The following ZNF610 variants were observed in gnomAD, a reference collection of about 807,000 sequenced individuals.
The protein encoded by ZNF610 is zink finger protein.
A neutral mutation model predicts 14.1 loss-of-function variants in ZNF610; 14 were observed. That is an observed-to-expected ratio of 0.99 (90% CI 0.65 to 1.55). ZNF610 has a LOEUF of 1.55. Ranked by LOEUF, ZNF610 falls within the 40% of genes most tolerant of loss-of-function variation. The pLI, the probability that ZNF610 is intolerant of heterozygous loss-of-function variation, is 0.00. For missense variants in ZNF610, 530 were observed against 558.0 expected, an observed-to-expected ratio of 0.95 and a Z score of 0.51; for synonymous variants, 185 against 187.6, an observed-to-expected ratio of 0.99 and a Z score of 0.11.
Position 52,338,259 on chromosome 19 carries a change from A to G in ZNF610, c.-258+1753A>G, listed in dbSNP as rs141701447. Among the ~76,000 whole-genome samples, 176 of 152,304 alleles carry G rather than the reference A, an allele frequency of 1.2e-3. 4 individuals are homozygous for G. In the East Asian group the frequency reaches 0.026, roughly 23 times the overall value. On this transcript the variant is annotated intron_variant, in intron 1 of 5. Coordinates refer to ENST00000403906, the MANE Select transcript of ZNF610 (RefSeq NM_001161425.2). ...CATGACCCTTTCCTCACATTTTGTG[A>G]ATTTGCTAGAGTGGTTCACAGAACT... is the stretch of plus-strand genomic sequence containing the variant.
intron 4 of ZNF610, 118 bp from the exon 5 acceptor site, chr19:52,354,133 G>T: frequency 1.4e-6 from 2 of 1,399,240 alleles, no homozygotes; most frequent in Non-Finnish European, 2.0e-6. Flanking sequence ...CCAGTCTGTG[G>T]GTGAACTTGT....
At chr19:52,337,897 C>T (rs574655506) in intron 1 of ZNF610, among the ~76,000 whole-genome samples, 1 of 152,254 alleles carries the variant, frequency 6.6e-6, no homozygotes, top group African/African-American at 2.4e-5. Flanking sequence ...TTGCCTCATT[C>T]GGGTGTGGGT....
chr19:52,337,051 T>C lies in ZNF610; in HGVS notation c.-258+545T>C, dbSNP rs1371123814. ...GTAGCTGAGAGATTTACAGAGACAG[T>C]GAATGAAGCCGAGAATGTAGCAGGG... On this transcript the variant is annotated intron_variant, in intron 1 of 5. Transcript: ENST00000403906. Among the ~76,000 whole-genome samples the C allele has an allele frequency of 3.3e-5, 5 of 151,910 alleles. No homozygotes were observed. The East Asian group carries it at 9.6e-4, about 29-fold the overall frequency.
At chr19:52,341,469 G>A (rs1014908611) in intron 1 of ZNF610, among the ~76,000 whole-genome samples, 11 of 151,460 alleles carry the variant, frequency 7.3e-5, no homozygotes, top group Non-Finnish European at 1.3e-4. Flanking sequence ...GCCACCATGC[G>A]TGGCTAATTT....
chr19:52,335,666 T>C (rs1984341950), upstream of ZNF610, among the ~76,000 whole-genome samples: 1 of 152,010 alleles, frequency 6.6e-6, no homozygotes, highest in African/African-American at 2.4e-5. Context: ...CCTACATCTT[T>C]CTCCCGTGCT....
intron 1 of ZNF610, among the ~76,000 whole-genome samples, chr19:52,337,889 G>C (rs1984458633): frequency 6.6e-6 from 1 of 152,190 alleles, no homozygotes; most frequent in African/African-American, 2.4e-5. Flanking sequence ...GCAGTGACTT[G>C]CCTCATTCGG....
intron 1 of ZNF610, among the ~76,000 whole-genome samples, chr19:52,344,336 G>A (rs1209885907): frequency 3.3e-5 from 5 of 151,650 alleles, no homozygotes; most frequent in Non-Finnish European, 5.9e-5. Flanking sequence ...CATAGCCCCC[G>A]ATTTAACACT....
At chr19:52,358,735 C>T (rs909074887) in intron 5 of ZNF610, among the ~76,000 whole-genome samples, 2 of 152,142 alleles carry the variant, frequency 1.3e-5, no homozygotes, top group African/African-American at 2.4e-5. Context: ...TTGAATCCAA[C>T]GTTATGAAGC....
At chr19:52,338,451 A>G (rs1984484529) in intron 1 of ZNF610, among the ~76,000 whole-genome samples, 1 of 152,172 alleles carries the variant, frequency 6.6e-6, no homozygotes, top group African/African-American at 2.4e-5. Flanking sequence ...TGGGAAGCCA[A>G]GGTGGGCAGA....
At chr19:52,352,080 T>A (rs1255964936) in intron 3 of ZNF610, among the ~76,000 whole-genome samples, 1 of 152,236 alleles carries the variant, frequency 6.6e-6, no homozygotes, top group Non-Finnish European at 1.5e-5. Flanking sequence ...TGTGTCTTGC[T>A]GACATTACTC....
chr19:52,354,362 T>C lies in ZNF610; in HGVS notation c.302T>C (p.Val101Ala). 1.2e-6 allele frequency: 2 copies of C among 1,614,076 alleles called. No homozygotes were observed. Among genetic ancestry groups the C allele is most frequent in the Non-Finnish European group, 1.7e-6 (2 of 1,180,008 alleles). ...AAAAATACAGATGGAAGGGAATGTG[T>C]CAGAAGCGTGAACACAGGTAAGAGC... ...IVKNTDGRECVRSVNTGRSCV... is the reference protein window; with the variant it reads ...IVKNTDGRECARSVNTGRSCV... Residue 101 changes from valine (V) to alanine (A), a missense_variant, in exon 5 of 6, where the codon GTC becomes GCC. Transcript: ENST00000403906.
intron 1 of ZNF610, among the ~76,000 whole-genome samples, chr19:52,340,460 T>C (rs1363151541): frequency 1.3e-5 from 2 of 152,040 alleles, no homozygotes; most frequent in Non-Finnish European, 2.9e-5. Context: ...AAAACAGTTA[T>C]CTTTTTTCCT....
rs1381762179 is a variant in ZNF610, at chr19:52,351,380, C to T, written c.63+2145C>T. Among the ~76,000 whole-genome samples, 7 of 151,872 alleles carry T rather than the reference C, an allele frequency of 4.6e-5. No individual in the cohort carries two copies. In the East Asian group the frequency reaches 5.8e-4, roughly 13 times the overall value. ...CTTAGGCGGGAGAATCACTTGAACC[C>T]GGGAGATGGAGTTTGCAGTGAGCCA... On this transcript the variant is annotated intron_variant, in intron 3 of 5. Coordinates refer to ENST00000403906, the MANE Select transcript of ZNF610 (RefSeq NM_001161425.2).
In ZNF610 at chr19:52,363,127, CT is replaced by C. The variant is rs1280670705; in HGVS notation, c.320-2555del. Among the ~76,000 whole-genome samples, 869 of 141,766 alleles carry C rather than the reference CT, an allele frequency of 6.1e-3. 3 individuals carry two copies. Among genetic ancestry groups the C allele is most frequent in the Middle Eastern group, 0.022 (6 of 276 alleles). 93.0% of individuals were successfully genotyped at this position (141,766 alleles called of 152,430 possible). On this transcript the variant is annotated intron_variant, in intron 5 of 5. Coordinates refer to ENST00000403906, the MANE Select transcript of ZNF610 (RefSeq NM_001161425.2). The stretch of plus-strand genomic sequence containing the variant: ...ACCCCCTTCTCTTTGGTTCTATCCC[CT>C]TTTTTTTTTTTTTTTGAGACATAGT...
At chr19:52,356,226 G>C (rs1272453797) in intron 5 of ZNF610, among the ~76,000 whole-genome samples, 1 of 152,170 alleles carries the variant, frequency 6.6e-6, no homozygotes, top group Non-Finnish European at 1.5e-5. Context: ...CACTTTACTG[G>C]TGTGTGTCAC....
chr19:52,360,968 G>A (rs1057236434), intron 5 of ZNF610, among the ~76,000 whole-genome samples: 1 of 152,162 alleles, frequency 6.6e-6, no homozygotes, highest in African/African-American at 2.4e-5. Context: ...AAGAGTGTTG[G>A]TGTTAAATCC....
chr19:52,361,469 GC>G, intron 5 of ZNF610, among the ~76,000 whole-genome samples: 1 of 151,960 alleles, frequency 6.6e-6, no homozygotes. Context: ...GAGCCACTGC[GC>G]CCGGCCACAA....
At chr19:52,362,248 T>C (rs1375590507) in intron 5 of ZNF610, among the ~76,000 whole-genome samples, 2 of 152,178 alleles carry the variant, frequency 1.3e-5, no homozygotes, top group African/African-American at 4.8e-5. Flanking sequence ...CCGTCTCTAC[T>C]AAAAATACGA....
upstream of ZNF610, among the ~76,000 whole-genome samples, chr19:52,335,971 T>A (rs933122587): frequency 6.6e-6 from 1 of 151,626 alleles, no homozygotes; most frequent in Non-Finnish European, 1.5e-5. Flanking sequence ...GCTGAAGCGA[T>A]CCTCCAGCCT....
Sources: allele counts gnomAD v4.1 joint callset (sites outside exome capture counted in the v4.1 genomes callset), GRCh38; gene constraint gnomAD v4.1.1; transcripts MANE v1.5; gene names NCBI Gene and HGNC (gene_info 2026-07-23, HGNC 2026-07-21).